Variants in HTR2C observed in about 807,000 individuals in gnomAD.
HTR2C encodes the protein 5-hydroxytryptamine (serotonin) receptor 2C, G protein-coupled.
A neutral mutation model predicts 21.0 loss-of-function variants in HTR2C; 5 were observed. The ratio of observed to expected loss-of-function variants is 0.24; its 90% CI spans 0.12 to 0.50. The LOEUF (loss-of-function observed/expected upper bound fraction) is 0.50, where lower values mean the gene tolerates loss of function less well. HTR2C is among the 20% of genes least tolerant of loss of function. The pLI is 0.98. For synonymous variants in HTR2C, 150 were observed against 145.3 expected (o/e 1.03, Z -0.23); for missense variants, 271 against 371.2 (o/e 0.73, Z 2.22).
intron 4 of HTR2C, among the ~76,000 whole-genome samples, chrX:114,800,328 A>G (rs1035335802): frequency 1.8e-5 from 2 of 111,913 alleles, no homozygotes; most frequent in South Asian, 7.3e-4. Context: ...CAGAAATAAT[A>G]TGATTTCTAT....
At chrX:114,676,625 A>G (rs1168584010) in intron 2 of HTR2C, among the ~76,000 whole-genome samples, 1 of 112,493 alleles carries the variant, frequency 8.9e-6, no homozygotes, top group African/African-American at 3.2e-5. Context: ...GAATTTATTA[A>G]TTATTGACAG....
In HTR2C at chrX:114,586,110, AC is replaced by A. The variant is rs782795591; in HGVS notation, c.-147+1452del. Among the ~76,000 whole-genome samples the A allele has an allele frequency of 7.1e-5, 8 of 112,287 alleles. No individual in the cohort carries two copies. In the South Asian group the frequency reaches 3.0e-3, roughly 42 times the overall value. The stretch of plus-strand genomic sequence containing the variant: ...ATGAGTGCAATAGAAACAAGGTGTT[AC>A]TGTGTAGTTGGCTACATATGTGTAG... On this transcript the variant is annotated intron_variant, in intron 1 of 5. Transcript: ENST00000276198.
intron 4 of HTR2C, among the ~76,000 whole-genome samples, chrX:114,758,932 C>A (rs1380791660): frequency 2.7e-5 from 3 of 111,518 alleles, no homozygotes; most frequent in African/African-American, 9.8e-5. Flanking sequence ...TGTACAGAAC[C>A]CTATTAAAGA....
At position 114,705,261 on chromosome X, in the gene HTR2C, A is replaced by T. The variant is rs202080073; in HGVS notation, c.-79-21597A>T. ...GCCCGCATTGCCAAGTCAATCCTAA[A>T]CCAAAAGAACAAAGCTGGAGGCATC... On this transcript the variant is annotated intron_variant, in intron 2 of 5. Transcript: ENST00000276198. Among the ~76,000 whole-genome samples, 95 of 111,373 alleles carry T rather than the reference A, an allele frequency of 8.5e-4. 1 individual carries two copies. The East Asian group carries it at 0.021, about 25-fold the overall frequency.
intron 4 of HTR2C, among the ~76,000 whole-genome samples, chrX:114,760,683 A>AT (rs782349007): frequency 1.5e-4 from 16 of 109,273 alleles, no homozygotes; most frequent in African/African-American, 5.3e-4. Flanking sequence ...TGCTCTGCTA[A>AT]TTTTTTTTTA....
At chrX:114,616,942 C>T (rs1261051593) in intron 2 of HTR2C, among the ~76,000 whole-genome samples, 1 of 112,230 alleles carries the variant, frequency 8.9e-6, no homozygotes, top group African/African-American at 3.2e-5. Flanking sequence ...TCTACATTGT[C>T]AAAACATGAT....
At chrX:114,738,098 A>T (rs1345345528) in intron 4 of HTR2C, among the ~76,000 whole-genome samples, 1 of 112,025 alleles carries the variant, frequency 8.9e-6, no homozygotes, top group African/African-American at 3.2e-5. Context: ...AGAGTAGAAC[A>T]GTGTCTTCCA....
intron 5 of HTR2C, among the ~76,000 whole-genome samples, chrX:114,857,091 G>A (rs1385890630): frequency 5.4e-5 from 6 of 110,598 alleles, no homozygotes; most frequent in African/African-American, 1.3e-4. Flanking sequence ...ATAATTCTCC[G>A]ATTCTTTGCT....
chrX:114,661,180 C>T (rs1443697989), intron 2 of HTR2C, among the ~76,000 whole-genome samples: 3 of 111,045 alleles, frequency 2.7e-5, no homozygotes, highest in Non-Finnish European at 5.7e-5. Flanking sequence ...GTTGGCCGGG[C>T]GCGGTGGCCC....
At chrX:114,775,554 T>A in intron 4 of HTR2C, 1 of 497,376 alleles carries the variant, frequency 2.0e-6, no homozygotes, top group African/African-American at 2.3e-5. Flanking sequence ...AGGACAGTCA[T>A]GACTCCACCA....
chrX:114,841,210 A>G (rs1314332924), intron 4 of HTR2C, among the ~76,000 whole-genome samples: 1 of 112,176 alleles, frequency 8.9e-6, no homozygotes, highest in African/African-American at 3.2e-5. Context: ...AGAAGAGCCC[A>G]GTATCTAAGA....
At position 114,702,475 on chromosome X, in the gene HTR2C, A is replaced by G. The variant is rs1932565078; in HGVS notation, c.-79-24383A>G. Among the ~76,000 whole-genome samples, 4 of 110,027 alleles carry G rather than the reference A, an allele frequency of 3.6e-5. No homozygotes were observed. The South Asian group carries it at 1.6e-3, about 44-fold the overall frequency. ...CAGCCAAACTAAGCTTCATAAGTGA[A>G]GGAGAAATAAAATCTTTTACAGACA... is the stretch of plus-strand genomic sequence containing the variant. On this transcript the variant is annotated intron_variant, in intron 2 of 5. Coordinates refer to ENST00000276198, the MANE Select transcript of HTR2C (RefSeq NM_000868.4).
chrX:114,719,016 A>C (rs1167438727), intron 2 of HTR2C, among the ~76,000 whole-genome samples: 1 of 103,058 alleles, frequency 9.7e-6, no homozygotes, highest in Non-Finnish European at 2.0e-5. Context: ...ATAATATAAA[A>C]TAAATAAATA....
chrX:114,718,292 G>A (rs143697783), intron 2 of HTR2C, among the ~76,000 whole-genome samples: 2,380 of 111,891 alleles, frequency 0.021, 79 homozygotes, highest in African/African-American at 0.074. Flanking sequence ...TATTGATGAT[G>A]ACTTTTAAGT....
chrX:114,601,285 T>C (rs1928073942), intron 1 of HTR2C, among the ~76,000 whole-genome samples: 1 of 111,250 alleles, frequency 9.0e-6, no homozygotes, highest in African/African-American at 3.3e-5. Context: ...TGTGCGTCCC[T>C]GTGAAGAGAC....
At chrX:114,868,854 T>A (rs181810368) in intron 5 of HTR2C, among the ~76,000 whole-genome samples, 11 of 111,066 alleles carry the variant, frequency 9.9e-5, no homozygotes, top group Middle Eastern at 4.6e-3. Flanking sequence ...ATTTTTTTTT[T>A]ATTATACTTT....
rs782325990 is a variant in HTR2C at position 114,887,330 on chromosome X, C to T, written c.551-19259C>T. Among the ~76,000 whole-genome samples the T allele has an allele frequency of 8.1e-5, 9 of 111,287 alleles. No individual in the cohort carries two copies. The South Asian group carries it at 3.4e-3, about 42-fold the overall frequency. On this transcript the variant is annotated intron_variant, in intron 5 of 5. Transcript: ENST00000276198. ...CACGGCCTTTCCTGGCTCTATTTGTCAGGGTTTCATTAATATTAATGAATC... is the reference window on the plus strand; with the variant it reads ...CACGGCCTTTCCTGGCTCTATTTGTTAGGGTTTCATTAATATTAATGAATC...
chrX:114,850,020 A>G (rs184813216), intron 5 of HTR2C, among the ~76,000 whole-genome samples: 2 of 112,144 alleles, frequency 1.8e-5, no homozygotes, highest in East Asian at 5.7e-4. Flanking sequence ...TGGAAATTAC[A>G]TGCTGATCTT....
rs73638449 is a variant in HTR2C at position 114,631,814 on chromosome X, C to A, written c.-80+17933C>A. Among the ~76,000 whole-genome samples the A allele has an allele frequency of 9.3e-3, 1,031 of 110,651 alleles. 16 individuals are homozygous for A. Among genetic ancestry groups the A allele is most frequent in the African/African-American group, 0.031 (957 of 30,442 alleles). Reference sequence around the variant, plus strand: ...GCTCATTCCTGGCCCCCTTTTTGTCCATCATGACACCTTCAAATACTCAAG... The same window carrying A: ...GCTCATTCCTGGCCCCCTTTTTGTCAATCATGACACCTTCAAATACTCAAG... On this transcript the variant is annotated intron_variant, in intron 2 of 5. Coordinates refer to ENST00000276198, the MANE Select transcript of HTR2C (RefSeq NM_000868.4).
Sources: gnomAD v4.1 joint callset for allele counts (sites outside exome capture counted in the v4.1 genomes callset) on GRCh38, gnomAD v4.1.1 for gene constraint, MANE v1.5 for transcripts, NCBI Gene and HGNC (gene_info 2026-07-23, HGNC 2026-07-21) for gene names.